Variants in FGF13 observed in about 807,000 individuals in gnomAD.
FGF13 encodes fibroblast growth factor homologous factor 2.
A neutral mutation model predicts 19.5 loss-of-function variants in FGF13; 2 were observed. The observed-to-expected ratio is 0.10, with a 90% CI of 0.04 to 0.32. The LOEUF is 0.32. Among genes scored for constraint, FGF13 ranks in the 10% least tolerant of loss-of-function variants. The pLI, the probability that FGF13 is intolerant of heterozygous loss-of-function variation, is 1.00. For synonymous variants in FGF13, 72 were observed against 76.9 expected, an observed-to-expected ratio of 0.94 and a Z score of 0.33; for missense variants, 113 against 192.7, an observed-to-expected ratio of 0.59 and a Z score of 2.45.
intron 1 of FGF13, among the ~76,000 whole-genome samples, chrX:139,100,162 C>A (rs889195445): frequency 2.7e-5 from 3 of 110,404 alleles, no homozygotes; most frequent in African/African-American, 3.3e-5. Context: ...AATAGTATGG[C>A]ATCAGAAAGA....
At chrX:138,898,422 C>A (rs940379741) in intron 1 of FGF13, among the ~76,000 whole-genome samples, 2 of 111,935 alleles carry the variant, frequency 1.8e-5, no homozygotes, top group African/African-American at 6.5e-5. Flanking sequence ...TATGTGGATT[C>A]AATGGATGCT....
chrX:138,800,622 T>A lies in FGF13; in HGVS notation c.217+56890A>T, dbSNP rs57474081. Reference sequence around the variant, plus strand: ...TTTCCTGAATTTGAATGATGGCCTGTCTTGCTATGTTGGGGAAGTTCTCCT... The same window carrying A: ...TTTCCTGAATTTGAATGATGGCCTGACTTGCTATGTTGGGGAAGTTCTCCT... On this transcript the variant is annotated intron_variant, in intron 3 of 6. Coordinates refer to the FGF13 transcript ENST00000436198. 2.1e-4 allele frequency among the ~76,000 whole-genome samples: 23 copies of A among 111,942 alleles called. 1 individual carries two copies. The East Asian group carries it at 3.4e-3, about 16-fold the overall frequency.
At chrX:139,054,105 T>G (rs1298588026) in intron 1 of FGF13, among the ~76,000 whole-genome samples, 1 of 104,588 alleles carries the variant, frequency 9.6e-6, no homozygotes, top group African/African-American at 3.5e-5. Context: ...TCTGTTCGAT[T>G]GGTCTACGTG....
chrX:138,833,683 TCCAATA>T (rs1264740063), intron 3 of FGF13, among the ~76,000 whole-genome samples: 8 of 111,877 alleles, frequency 7.2e-5, no homozygotes, highest in Non-Finnish European at 1.5e-4. Context: ...GGCCGAGACG[TCCAATA>T]CTACGTTGAA....
At chrX:138,984,588 A>AAGAAGAAGAAGAAGAAGAAGG (rs2091982501) in intron 1 of FGF13, among the ~76,000 whole-genome samples, 1 of 11,511 alleles carries the variant, frequency 8.7e-5, no homozygotes, top group Non-Finnish European at 1.9e-4. Flanking sequence ...GAAGAAGAAG[A>AAGAAGAAGAAGAAGAAGAAGG]AGGAGGAGGA....
At chrX:139,115,866 G>A (rs777310127) in intron 1 of FGF13, among the ~76,000 whole-genome samples, 3 of 112,715 alleles carry the variant, frequency 2.7e-5, no homozygotes, top group African/African-American at 9.7e-5. Flanking sequence ...CTTGTAGCAT[G>A]TGCCTGGCAC....
chrX:139,116,393 A>G (rs370218009), intron 1 of FGF13, among the ~76,000 whole-genome samples: 2 of 111,855 alleles, frequency 1.8e-5, no homozygotes, highest in African/African-American at 6.5e-5. Flanking sequence ...AGGAGCAAAT[A>G]TTTCTAATTT....
At chrX:138,689,592 G>A (rs773757184) in intron 3 of FGF13, among the ~76,000 whole-genome samples, 4 of 112,120 alleles carry the variant, frequency 3.6e-5, no homozygotes, top group South Asian at 3.7e-4. Context: ...GAGCAGAGGA[G>A]GCAAAAAGAT....
intron 1 of FGF13, among the ~76,000 whole-genome samples, chrX:138,909,020 A>G (rs964662170): frequency 2.7e-5 from 3 of 112,130 alleles, no homozygotes; most frequent in African/African-American, 9.7e-5. Flanking sequence ...ACTGAGGCTC[A>G]GAGAAACACA....
At chrX:139,087,235 G>A (rs140450030) in intron 1 of FGF13, among the ~76,000 whole-genome samples, 16,477 of 109,999 alleles carry the variant, frequency 0.15, 1,159 homozygotes, top group Middle Eastern at 0.22. Context: ...GGCAGAGGTT[G>A]CAGTGAGCCG....
At chrX:139,156,067 G>T (rs1242682746) in intron 1 of FGF13, among the ~76,000 whole-genome samples, 2 of 111,762 alleles carry the variant, frequency 1.8e-5, no homozygotes, top group Non-Finnish European at 3.8e-5. Flanking sequence ...GTTTGGTGAG[G>T]CTTCAAGTTT....
chrX:138,911,977 T>A (rs2091590458), intron 1 of FGF13, among the ~76,000 whole-genome samples: 1 of 112,122 alleles, frequency 8.9e-6, no homozygotes, highest in Non-Finnish European at 1.9e-5. Context: ...AGTAACACCC[T>A]TGGTCTCTGA....
chrX:139,179,454 TA>T lies in FGF13; in HGVS notation c.-113+23961del, dbSNP rs56319515. Among the ~76,000 whole-genome samples the T allele has an allele frequency of 1.7e-3, 174 of 102,271 alleles. 7 individuals are homozygous for T. In the Admixed American group the frequency reaches 0.017, roughly 10 times the overall value. 88.8% of individuals were successfully genotyped at this position (102,271 alleles called of 115,157 possible). A position where few individuals can be genotyped will look rare whatever the true frequency, so the allele number is the denominator to read the frequency against. On this transcript the variant is annotated intron_variant, in intron 1 of 2. Coordinates refer to the FGF13 transcript ENST00000421460. Reference sequence around the variant, plus strand: ...AAATACTCTTGTGATTCCAGGACATTAAAAAAAAAAAACATGCAGAGGAATT... The same window carrying T: ...AAATACTCTTGTGATTCCAGGACATTAAAAAAAAAAACATGCAGAGGAATT...
chrX:138,882,156 C>T (rs1163642427), intron 1 of FGF13, among the ~76,000 whole-genome samples: 1 of 110,744 alleles, frequency 9.0e-6, no homozygotes, highest in Non-Finnish European at 1.9e-5. Flanking sequence ...TCTGTTTTGG[C>T]TATTGGTTGT....
At chrX:138,683,277 A>G (rs951242460) in intron 3 of FGF13, among the ~76,000 whole-genome samples, 9 of 110,915 alleles carry the variant, frequency 8.1e-5, no homozygotes, top group African/African-American at 2.6e-4. Context: ...TTCCTCCTGC[A>G]AAAAAATGTT....
intron 1 of FGF13, among the ~76,000 whole-genome samples, chrX:139,021,772 C>T (rs1009201128): frequency 9.0e-6 from 1 of 111,303 alleles, no homozygotes; most frequent in Non-Finnish European, 1.9e-5. Context: ...AGAGACCTAC[C>T]AGCCTGTGTG....
At chrX:138,956,390 T>C (rs1336095842) in intron 1 of FGF13, among the ~76,000 whole-genome samples, 1 of 110,967 alleles carries the variant, frequency 9.0e-6, no homozygotes, top group Non-Finnish European at 1.9e-5. Flanking sequence ...ATGGGGGTGA[T>C]TATTTATAAT....
intron 1 of FGF13, among the ~76,000 whole-genome samples, chrX:138,877,568 C>T (rs2091398060): frequency 8.9e-6 from 1 of 111,936 alleles, no homozygotes; most frequent in Non-Finnish European, 1.9e-5. Context: ...CAAACAAATT[C>T]TGTAACCATT....
At chrX:138,890,393 A>G (rs1299813178) in intron 1 of FGF13, among the ~76,000 whole-genome samples, 2 of 111,555 alleles carry the variant, frequency 1.8e-5, no homozygotes, top group African/African-American at 6.5e-5. Context: ...TATATGAATC[A>G]TTGGTGTCAT....
Sources: gnomAD v4.1 joint callset for allele counts (sites outside exome capture counted in the v4.1 genomes callset) on GRCh38, gnomAD v4.1.1 for gene constraint, MANE v1.5 for transcripts, NCBI Gene and HGNC (gene_info 2026-07-23, HGNC 2026-07-21) for gene names.